The following G2E3 variants were observed in gnomAD, a reference collection of about 807,000 sequenced individuals.
G2E3 encodes G2/M phase-specific E3 ubiquitin-protein ligase.
In G2E3, 35 loss-of-function variants were observed where a neutral mutation model predicts 92.8. The observed-to-expected ratio is 0.38, with a 90% CI of 0.29 to 0.50. The LOEUF (loss-of-function observed/expected upper bound fraction) is 0.50, where lower values mean the gene tolerates loss of function less well. G2E3 is among the 20% of genes least tolerant of loss of function. The pLI is 0.94. For missense variants in G2E3, 554 were observed against 823.8 expected, an observed-to-expected ratio of 0.67 and a Z score of 4.01; for synonymous variants, 242 against 272.4, an observed-to-expected ratio of 0.89 and a Z score of 1.10.
rs116870572 is a variant in G2E3, at chr14:30,560,861, T to C, written c.-5+1589T>C. ...CTGAAAGGTTAGAAAATACTGTGAGTTTTCAAAACACTGATTTGATCTTTC... is the reference window on the plus strand; with the variant it reads ...CTGAAAGGTTAGAAAATACTGTGAGCTTTCAAAACACTGATTTGATCTTTC... On this transcript the variant is annotated intron_variant, in intron 1 of 14. Coordinates refer to ENST00000206595, the MANE Select transcript of G2E3 (RefSeq NM_017769.5). 3,303 of 698,252 alleles carry C rather than the reference T, an allele frequency of 4.7e-3. 50 individuals carry two copies. The highest frequency in any genetic ancestry group is 0.023 in the South Asian group (1,503 of 66,636). 43.3% of individuals were successfully genotyped at this position (698,252 alleles called of 1,614,324 possible). A position where few individuals can be genotyped will look rare whatever the true frequency, so the allele number is the denominator to read the frequency against.
intron 13 of G2E3, among the ~76,000 whole-genome samples, chr14:30,613,220 G>C (rs1397258676): frequency 6.6e-6 from 1 of 151,932 alleles, no homozygotes; most frequent in Non-Finnish European, 1.5e-5. Context: ...TTATTAACTT[G>C]TGCCTGTCTT....
chr14:30,609,080 AC>A (rs1199615068), intron 12 of G2E3, among the ~76,000 whole-genome samples: 1 of 152,212 alleles, frequency 6.6e-6, no homozygotes, highest in Admixed American at 6.5e-5. Flanking sequence ...ATCTTACTAA[AC>A]CTCAGTTTCT....
chr14:30,597,657 A>G, intron 7 of G2E3, 131 bp downstream of exon 7: 2 of 630,186 alleles, frequency 3.2e-6, no homozygotes. Flanking sequence ...GAAATGCAAA[A>G]CCTTCTCCTC....
chr14:30,572,309 C>G (rs1161045278), intron 1 of G2E3, among the ~76,000 whole-genome samples: 1 of 152,090 alleles, frequency 6.6e-6, no homozygotes, highest in Non-Finnish European at 1.5e-5. Flanking sequence ...CTTCTTTTCC[C>G]TTGGAGTACA....
Position 30,577,199 on chromosome 14 carries a change from T to C in G2E3, c.-4-3877T>C, listed in dbSNP as rs960990008. On this transcript the variant is annotated intron_variant, in intron 1 of 14. Coordinates refer to ENST00000206595, the MANE Select transcript of G2E3 (RefSeq NM_017769.5). Reference sequence around the variant, plus strand: ...GAGATTGCGTCACTGCAATCCAGCCTAGCAACAGAGCAAGACTCTGTCTCA... The same window carrying C: ...GAGATTGCGTCACTGCAATCCAGCCCAGCAACAGAGCAAGACTCTGTCTCA... 2.6e-5 allele frequency among the ~76,000 whole-genome samples: 3 copies of C among 115,856 alleles called. No individual in the cohort carries two copies. The Admixed American group carries it at 3.8e-4, about 15-fold the overall frequency. The allele number at this position is 115,856 out of a possible 152,430, so 76.0% of individuals were successfully genotyped here.
chr14:30,582,642 A>G (rs1880497599), intron 2 of G2E3, among the ~76,000 whole-genome samples: 1 of 152,114 alleles, frequency 6.6e-6, no homozygotes, highest in South Asian at 2.1e-4. Flanking sequence ...AAGTGTAGGT[A>G]TTGGGGATGG....
At position 30,618,557 on chromosome 14, in the gene G2E3, A is replaced by T. The variant is rs1566557590; in HGVS notation, c.*2023A>T. On this transcript the variant is annotated 3_prime_UTR_variant, in exon 15 of 15. Transcript: ENST00000206595. ...GAGGCAGTGTACTTGGGTTAGCTAC[A>T]ATTAAAAACAGTATTTCAATTCCTC... The T allele has an allele frequency of 6.6e-6, 1 of 152,100 alleles. No homozygotes were observed. Among genetic ancestry groups the T allele is most frequent in the East Asian group, 1.9e-4 (1 of 5,206 alleles). The allele number at this position is 152,100 out of a possible 1,614,324, so 9.4% of individuals were successfully genotyped here.
intron 7 of G2E3, 125 bp from the exon 8 acceptor site, chr14:30,598,358 G>T: frequency 1.6e-6 from 1 of 636,146 alleles, no homozygotes; most frequent in East Asian, 3.0e-5. Context: ...CTGTACTCCA[G>T]CCTGGGCGAA....
chr14:30,563,884 A>G (rs1304512540), intron 1 of G2E3, among the ~76,000 whole-genome samples: 2 of 152,012 alleles, frequency 1.3e-5, no homozygotes, highest in African/African-American at 4.8e-5. Context: ...ACGCCCGGCT[A>G]ATTTTTGTGA....
intron 1 of G2E3, chr14:30,559,605 C>G: frequency 6.6e-6 from 1 of 152,124 alleles, no homozygotes; most frequent in East Asian, 1.9e-4. Flanking sequence ...CAATTCGGCT[C>G]GAATGCTGAA....
Position 30,589,412 on chromosome 14 carries a change from CAAAG to C in G2E3, c.168_171del (p.Glu57LysfsTer8). 1 of 1,602,824 alleles carries C rather than the reference CAAAG, an allele frequency of 6.2e-7. No individual in the cohort carries two copies. Among genetic ancestry groups the C allele is most frequent in the Non-Finnish European group, 8.5e-7 (1 of 1,170,808 alleles). On this transcript the variant is annotated frameshift_variant, in exon 4 of 15. Coordinates refer to ENST00000206595, the MANE Select transcript of G2E3 (RefSeq NM_017769.5). LOFTEE classifies it high-confidence loss of function. ...TGTCAAGTGGAATTTGGCAGAGAGG[CAAAG>C]AAGAAGAAGGAGTTTATGGTTTTCT...
At chr14:30,590,987 A>T (rs770085123) in intron 4 of G2E3, 1 of 231,764 alleles carries the variant, frequency 4.3e-6, no homozygotes. Context: ...AAATGTTCCA[A>T]TGAGCATTTC....
intron 12 of G2E3, chr14:30,611,178 A>C (rs1455344883): frequency 1.3e-5 from 2 of 152,222 alleles, no homozygotes; most frequent in African/African-American, 4.8e-5. Flanking sequence ...CATCCCATTG[A>C]ACAGTCATGT....
chr14:30,582,059 C>G (rs2138821127), intron 2 of G2E3, among the ~76,000 whole-genome samples: 1 of 152,296 alleles, frequency 6.6e-6, no homozygotes, highest in South Asian at 2.1e-4. Flanking sequence ...CTTTCTTTCC[C>G]TGCTTCTACC....
Position 30,567,607 on chromosome 14 carries a change from TATTG to T in G2E3, c.-5+8339_-5+8342del, listed in dbSNP as rs1879516241. 2.0e-5 allele frequency among the ~76,000 whole-genome samples: 3 copies of T among 152,192 alleles called. No individual in the cohort carries two copies. The South Asian group carries it at 6.2e-4, about 32-fold the overall frequency. Reference sequence around the variant, plus strand: ...CGATCTTCTCAAGCAATTTTTATTTTATTGATTCTCAATTTAAAAATTTTTTTAT... The same window carrying T: ...CGATCTTCTCAAGCAATTTTTATTTTATTCTCAATTTAAAAATTTTTTTAT... On this transcript the variant is annotated intron_variant, in intron 1 of 14. Coordinates refer to ENST00000206595, the MANE Select transcript of G2E3 (RefSeq NM_017769.5).
chr14:30,565,338 T>A (rs1879363077), intron 1 of G2E3, among the ~76,000 whole-genome samples: 1 of 152,196 alleles, frequency 6.6e-6, no homozygotes, highest in South Asian at 2.1e-4. Context: ...GTTGTTGCAT[T>A]GTAAGAGTTT....
At chr14:30,571,409 G>A (rs1208811870) in intron 1 of G2E3, among the ~76,000 whole-genome samples, 1 of 151,548 alleles carries the variant, frequency 6.6e-6, no homozygotes, top group Non-Finnish European at 1.5e-5. Context: ...TCTGTGTTTT[G>A]CCTTTTTCTT....
intron 8 of G2E3, 47 bp from the exon 9 acceptor site, chr14:30,601,723 C>T: frequency 1.2e-6 from 2 of 1,606,886 alleles, no homozygotes; most frequent in South Asian, 2.2e-5. Context: ...GTGGTTGAAA[C>T]TAGAATAATA....
rs959163396 is a variant in G2E3 at position 30,619,228 on chromosome 14, T to C, written c.*2694T>C. On this transcript the variant is annotated 3_prime_UTR_variant, in exon 15 of 15. Coordinates refer to ENST00000206595, the MANE Select transcript of G2E3 (RefSeq NM_017769.5). The stretch of plus-strand genomic sequence containing the variant: ...GTTAAGTAAAAAGCCTTTGATTGAT[T>C]ACCAGCATGAGAATTCACCTTGGTT... The C allele has an allele frequency of 2.0e-5, 3 of 152,094 alleles. No homozygotes were observed. The highest frequency in any genetic ancestry group is 1.3e-4 in the Admixed American group (2 of 15,278). 9.4% of individuals were successfully genotyped at this position (152,094 alleles called of 1,614,324 possible). A position where few individuals can be genotyped will look rare whatever the true frequency, so the allele number is the denominator to read the frequency against.
Sources: gnomAD v4.1 joint callset for allele counts (sites outside exome capture counted in the v4.1 genomes callset) on GRCh38, gnomAD v4.1.1 for gene constraint, MANE v1.5 for transcripts, NCBI Gene and HGNC (gene_info 2026-07-23, HGNC 2026-07-21) for gene names.